The following IFT140 variants were observed in gnomAD, a reference collection of about 807,000 sequenced individuals.
IFT140 encodes the protein intraflagellar transport 140, also known as intraflagellar transport protein 140 homolog.
IFT140 carries 133 observed loss-of-function variants against 164.6 expected under a neutral mutation model. That is an observed-to-expected ratio of 0.81 (90% confidence interval 0.70 to 0.93). The LOEUF is 0.93. Among genes scored for constraint, IFT140 ranks in the 40% least tolerant of loss-of-function variants. The pLI, the probability that IFT140 is intolerant of heterozygous loss-of-function variation, is 0.00. For missense variants in IFT140, 2,045 were observed against 1,972.3 expected (o/e 1.04, Z -0.70); for synonymous variants, 860 against 817.3 (o/e 1.05, Z -0.89).
intron 13 of IFT140, among the ~76,000 whole-genome samples, chr16:1,572,950 G>T (rs901011620): frequency 6.6e-6 from 1 of 152,222 alleles, no homozygotes; most frequent in African/African-American, 2.4e-5. Context: ...GGAAGGCACA[G>T]ATCTAGTGCA....
rs529661864 is a variant in IFT140 at position 1,518,455 on chromosome 16, G to A, written c.4041-98C>T. ...TCTTGGCCTGTAAGAGGAGCTCTCC[G>A]GAATGGCAGGAGGAAACTTTCTATG... On this transcript the variant is annotated intron_variant, in intron 29 of 30. Transcript: ENST00000426508. The A allele has an allele frequency of 2.5e-5, 30 of 1,197,724 alleles. No individual in the cohort carries two copies. In the Admixed American group the frequency reaches 6.5e-4, roughly 26 times the overall value. The allele number at this position is 1,197,724 out of a possible 1,614,324, so 74.2% of individuals were successfully genotyped here. A position where few individuals can be genotyped will look rare whatever the true frequency, so the allele number is the denominator to read the frequency against.
At chr16:1,583,529 C>T in intron 11 of IFT140, 143 bp from the exon 12 acceptor site, 1 of 629,154 alleles carries the variant, frequency 1.6e-6, no homozygotes, top group South Asian at 2.0e-5. Context: ...ATCACTGGGT[C>T]CTCTGTGGAC....
Position 1,588,022 on chromosome 16 carries a change from G to T in IFT140, c.813C>A (p.Val271=). ...PEGKAEEVMK[V]KLSGKTGRRA... ...GGCGGCCGGTTTTCCCGCTCAGCTT[G>T]ACCTGTGTGAGGAAACAACCGAGCA... The change falls in exon 8 of 31, where the codon GTC becomes GTA. Residue 271 remains valine (V), a splice_region_variant and synonymous_variant. Coordinates refer to ENST00000426508, the MANE Select transcript of IFT140 (RefSeq NM_014714.4). The T allele has an allele frequency of 6.2e-7, 1 of 1,613,526 alleles. No individual in the cohort carries two copies. Among genetic ancestry groups the T allele is most frequent in the South Asian group, 1.1e-5 (1 of 90,908 alleles).
chr16:1,594,771 G>T (rs570081530), intron 4 of IFT140, among the ~76,000 whole-genome samples: 1 of 152,314 alleles, frequency 6.6e-6, no homozygotes, highest in African/African-American at 2.4e-5. Context: ...GCACCCAGGG[G>T]CAGCATCTCA....
intron 19 of IFT140, among the ~76,000 whole-genome samples, chr16:1,547,878 C>T (rs564583789): frequency 6.6e-6 from 1 of 152,078 alleles, no homozygotes; most frequent in Non-Finnish European, 1.5e-5. Context: ...GGTCTTGCCA[C>T]GTTGCCCAGG....
intron 30 of IFT140, among the ~76,000 whole-genome samples, chr16:1,516,197 A>AAT (rs1322571799): frequency 6.8e-6 from 1 of 147,234 alleles, no homozygotes; most frequent in African/African-American, 2.4e-5. Flanking sequence ...ATGGATGGTA[A>AAT]ATATGTAGGT....
intron 25 of IFT140, 46 bp from the exon 26 acceptor site, chr16:1,523,746 C>T (rs2040590937): frequency 6.2e-7 from 1 of 1,605,984 alleles, no homozygotes; most frequent in South Asian, 1.1e-5. Context: ...GCCTGGGGGC[C>T]CGAGCACGGA....
At chr16:1,546,218 G>A (rs1472241985) in intron 19 of IFT140, among the ~76,000 whole-genome samples, 2 of 152,244 alleles carry the variant, frequency 1.3e-5, no homozygotes, top group Non-Finnish European at 2.9e-5. Flanking sequence ...GCCACAGCAT[G>A]ACCCTGGCAC....
chr16:1,549,900 T>A (rs2141370842), intron 19 of IFT140, among the ~76,000 whole-genome samples: 1 of 152,354 alleles, frequency 6.6e-6, no homozygotes, highest in South Asian at 2.1e-4. Context: ...GTAGGGCCCA[T>A]GTCCAGGTTG....
chr16:1,554,697 A>C, intron 19 of IFT140: 2 of 1,537,664 alleles, frequency 1.3e-6, no homozygotes, highest in Non-Finnish European at 1.8e-6. Flanking sequence ...GCAGGCTGGA[A>C]CCTGCTCTAG....
chr16:1,547,859 C>T (rs554451030), intron 19 of IFT140, among the ~76,000 whole-genome samples: 1 of 152,212 alleles, frequency 6.6e-6, no homozygotes, highest in East Asian at 1.9e-4. Flanking sequence ...TTTCTTAAAG[C>T]ATAGATGGGG....
chr16:1,542,951 G>A (rs1359843364), intron 19 of IFT140, among the ~76,000 whole-genome samples: 3 of 152,272 alleles, frequency 2.0e-5, no homozygotes, highest in Non-Finnish European at 2.9e-5. Context: ...GGGTCCTGCG[G>A]TGTTCTAGAC....
chr16:1,581,013 A>G (rs574443442), intron 12 of IFT140, among the ~76,000 whole-genome samples, 163 bp from the exon 13 acceptor site: 1 of 152,272 alleles, frequency 6.6e-6, no homozygotes, highest in African/African-American at 2.4e-5. Context: ...TGAGGCTCTG[A>G]GGCACAGGGA....
chr16:1,544,108 C>T (rs1724631564), intron 19 of IFT140, among the ~76,000 whole-genome samples: 1 of 151,380 alleles, frequency 6.6e-6, no homozygotes, highest in South Asian at 2.1e-4. Flanking sequence ...ACCTCTGCCT[C>T]CTGGGTTCAA....
At position 1,587,247 on chromosome 16, in the gene IFT140, G is replaced by T. The variant is rs1230159874; in HGVS notation, c.960C>A (p.Gly320=). The change falls in exon 9 of 31, where the codon GGC becomes GGA. Residue 320 remains glycine (G), a synonymous_variant. Transcript: ENST00000426508. ...AGTTCATATTCTCTCCTTTCTCAAAGCCAAACTTCTCATCTGGACTCAGTA... is the reference window on the plus strand; with the variant it reads ...AGTTCATATTCTCTCCTTTCTCAAATCCAAACTTCTCATCTGGACTCAGTA... ...NYILSPDEKF[G]FEKGENMNCV... is the part of the protein sequence containing the mutation. 1 of 1,613,036 alleles carries T rather than the reference G, an allele frequency of 6.2e-7. No individual in the cohort carries two copies. Among genetic ancestry groups the T allele is most frequent in the East Asian group, 2.2e-5 (1 of 44,880 alleles).
At chr16:1,589,568 A>T (rs770425189) in intron 7 of IFT140, 37 bp downstream of exon 7, 3 of 1,598,696 alleles carry the variant, frequency 1.9e-6, no homozygotes, top group Non-Finnish European at 2.6e-6. Context: ...CTGGCCCAAG[A>T]TCCCCAGCGT....
intron 13 of IFT140, among the ~76,000 whole-genome samples, chr16:1,574,001 A>G (rs757656155): frequency 4.6e-5 from 7 of 152,154 alleles, no homozygotes; most frequent in Non-Finnish European, 8.8e-5. Flanking sequence ...TCTTCTCTGG[A>G]AACTGCCTGC....
chr16:1,512,845 G>A (rs900068463), intron 30 of IFT140: 6 of 152,360 alleles, frequency 3.9e-5, no homozygotes, highest in South Asian at 4.1e-4. Flanking sequence ...GACTTGAGTT[G>A]TTTTTTCCAG....
Position 1,607,153 on chromosome 16 carries a change from G to T in IFT140, c.114C>A (p.Thr38=), listed in dbSNP as rs778405983. The change falls in exon 3 of 31, where the codon ACC becomes ACA. Residue 38 remains threonine, a synonymous_variant. Transcript: ENST00000426508. The part of the protein sequence containing the change: ...PFLAVAYIST[T]STGSVDIYLE... ...GGTAAATATCCACGCTGCCTGTTGA[G>T]GTTGTGCTGATGTAAGCAACTGCCA... is the stretch of plus-strand genomic sequence containing the variant. 1.2e-6 allele frequency: 2 copies of T among 1,614,042 alleles called. No homozygotes were observed. The highest frequency in any genetic ancestry group is 1.7e-6 in the Non-Finnish European group (2 of 1,180,014).
Sources: gnomAD v4.1 joint callset for allele counts (sites outside exome capture counted in the v4.1 genomes callset) on GRCh38, gnomAD v4.1.1 for gene constraint, MANE v1.5 for transcripts, NCBI Gene and HGNC (gene_info 2026-07-23, HGNC 2026-07-21) for gene names.